Variants in GTF2A1 observed in about 807,000 individuals in gnomAD.
The protein encoded by GTF2A1 is general transcription factor IIA subunit 1.
Under a neutral mutation model 54.1 loss-of-function variants are expected in GTF2A1, and 12 were observed. The ratio of observed to expected loss-of-function variants is 0.22; its 90% CI spans 0.14 to 0.36. The LOEUF (loss-of-function observed/expected upper bound fraction) is 0.36, where lower values mean the gene tolerates loss of function less well. GTF2A1 is among the 10% of genes least tolerant of loss of function. The pLI, the probability that GTF2A1 is intolerant of heterozygous loss-of-function variation, is 1.00. For synonymous variants in GTF2A1, 145 were observed against 152.0 expected, an observed-to-expected ratio of 0.95 and a Z score of 0.34; for missense variants, 335 against 442.2, an observed-to-expected ratio of 0.76 and a Z score of 2.17.
Position 81,220,528 on chromosome 14 carries a change from C to A in GTF2A1, c.-10G>T. ...TTGCCGAGTTCGCCATTTCCACACA[C>A]AACACAAACAAGAGGGGGCAACCCC... On this transcript the variant is annotated 5_prime_UTR_variant, in exon 1 of 9. Transcript: ENST00000553612. The A allele has an allele frequency of 1.3e-6, 2 of 1,562,446 alleles. No individual in the cohort carries two copies. Among genetic ancestry groups the A allele is most frequent in the South Asian group, 1.2e-5 (1 of 85,758 alleles).
chr14:81,180,405 A>T (rs1017689030), intron 8 of GTF2A1, 75 bp from the exon 9 acceptor site: 2 of 701,942 alleles, frequency 2.8e-6, no homozygotes, highest in Middle Eastern at 3.8e-4. Flanking sequence ...AAAAACCCAT[A>T]CACACACACA....
chr14:81,220,473 C>G lies in GTF2A1; in HGVS notation c.30+16G>C. On this transcript the variant is annotated intron_variant, in intron 1 of 8. Coordinates refer to ENST00000553612, the MANE Select transcript of GTF2A1 (RefSeq NM_015859.4). ...CCTGAACGAAGCCCCCGCCGGCCAC[C>G]GAACCACGTCCTTACCACGGTGTTT... 1 of 1,555,118 alleles carries G rather than the reference C, an allele frequency of 6.4e-7. No individual in the cohort carries two copies. Among genetic ancestry groups the G allele is most frequent in the South Asian group, 1.2e-5 (1 of 84,758 alleles).
At chr14:81,181,570 A>C (rs1273134821) in intron 8 of GTF2A1, among the ~76,000 whole-genome samples, 1 of 152,158 alleles carries the variant, frequency 6.6e-6, no homozygotes, top group Non-Finnish European at 1.5e-5. Context: ...TTTGAGACAG[A>C]GTCTCACTCT....
intron 2 of GTF2A1, among the ~76,000 whole-genome samples, chr14:81,207,517 T>G (rs1893265250): frequency 6.6e-6 from 1 of 151,990 alleles, no homozygotes. Context: ...CAAACTAATA[T>G]AGTAAACTGG....
Position 81,220,540 on chromosome 14 carries a change from G to A in GTF2A1, c.-22C>T, listed in dbSNP as rs557083528. 1.7e-5 allele frequency: 27 copies of A among 1,553,764 alleles called. No individual in the cohort carries two copies. The South Asian group carries it at 2.6e-4, about 15-fold the overall frequency. On this transcript the variant is annotated 5_prime_UTR_variant, in exon 1 of 9. Coordinates refer to ENST00000553612, the MANE Select transcript of GTF2A1 (RefSeq NM_015859.4). ...CCATTTCCACACACAACACAAACAA[G>A]AGGGGGCAACCCCAAGAAAACAAGA...
chr14:81,211,226 A>G (rs1893357180), intron 2 of GTF2A1, among the ~76,000 whole-genome samples: 1 of 152,154 alleles, frequency 6.6e-6, no homozygotes, highest in Non-Finnish European at 1.5e-5. Flanking sequence ...ATGTCTCTGC[A>G]TTCTGTACCC....
intron 8 of GTF2A1, among the ~76,000 whole-genome samples, chr14:81,182,804 C>T (rs979264363): frequency 1.3e-5 from 2 of 152,168 alleles, no homozygotes; most frequent in African/African-American, 4.8e-5. Context: ...CCTTCCCTTA[C>T]CTCTCTACCT....
chr14:81,214,725 A>G (rs184089577), intron 2 of GTF2A1, among the ~76,000 whole-genome samples: 2 of 152,298 alleles, frequency 1.3e-5, no homozygotes, highest in East Asian at 3.9e-4. Context: ...ATACTAATAG[A>G]AATTATAACA....
chr14:81,197,099 T>G, intron 5 of GTF2A1: 1 of 194,690 alleles, frequency 5.1e-6, no homozygotes. Flanking sequence ...AGAAGTTTAA[T>G]ACTCACTTGG....
intron 2 of GTF2A1, among the ~76,000 whole-genome samples, chr14:81,210,525 T>G (rs1410453005): frequency 6.6e-6 from 1 of 152,184 alleles, no homozygotes; most frequent in African/African-American, 2.4e-5. Context: ...AACACTATTT[T>G]GGCAATAGTA....
chr14:81,196,834 C>T (rs1341573560), intron 5 of GTF2A1, among the ~76,000 whole-genome samples: 1 of 152,106 alleles, frequency 6.6e-6, no homozygotes, highest in African/African-American at 2.4e-5. Flanking sequence ...TGTAGCAAGA[C>T]AAGCCCCTAA....
chr14:81,212,120 T>G (rs575460033), intron 2 of GTF2A1, among the ~76,000 whole-genome samples: 2 of 152,002 alleles, frequency 1.3e-5, no homozygotes, highest in East Asian at 1.9e-4. Flanking sequence ...ATAATGCCAG[T>G]GTTGAGAAAT....
chr14:81,177,793 A>G lies in GTF2A1; in HGVS notation c.*2430T>C, dbSNP rs1330609114. ...CATGATTAAGAATTCAAGTACAATA[A>G]AAGATAAGCAAGTGACATTCTTACA... On this transcript the variant is annotated 3_prime_UTR_variant, in exon 9 of 9. Coordinates refer to ENST00000553612, the MANE Select transcript of GTF2A1 (RefSeq NM_015859.4). 1 of 152,154 alleles carries G rather than the reference A, an allele frequency of 6.6e-6. No individual in the cohort carries two copies. The highest frequency in any genetic ancestry group is 1.5e-5 in the Non-Finnish European group (1 of 67,990). 9.4% of individuals were successfully genotyped at this position (152,154 alleles called of 1,614,324 possible). A position where few individuals can be genotyped will look rare whatever the true frequency, so the allele number is the denominator to read the frequency against.
chr14:81,220,898 TTATA>T lies in GTF2A1; in HGVS notation c.-384_-381del. 1 of 214,624 alleles carries T rather than the reference TTATA, an allele frequency of 4.7e-6. No individual in the cohort carries two copies. The highest frequency in any genetic ancestry group is 9.1e-6 in the Non-Finnish European group (1 of 109,416). 13.3% of individuals were successfully genotyped at this position (214,624 alleles called of 1,614,324 possible). A position where few individuals can be genotyped will look rare whatever the true frequency, so the allele number is the denominator to read the frequency against. On this transcript the variant is annotated 5_prime_UTR_variant, in exon 1 of 9. Transcript: ENST00000553612. Reference sequence around the variant, plus strand: ...CGTCCGGTCCGCCCGCTTCTCTCCTTTATATAGCGAGCCAACAAGCTGCGCGAGC... The same window carrying T: ...CGTCCGGTCCGCCCGCTTCTCTCCTTTAGCGAGCCAACAAGCTGCGCGAGC...
At chr14:81,185,849 G>C (rs1366706228) in intron 7 of GTF2A1, among the ~76,000 whole-genome samples, 1 of 152,110 alleles carries the variant, frequency 6.6e-6, no homozygotes, top group Non-Finnish European at 1.5e-5. Flanking sequence ...AGTCTGAAAA[G>C]ATGTTTATCT....
intron 7 of GTF2A1, among the ~76,000 whole-genome samples, chr14:81,188,036 G>T (rs1391456073): frequency 2.6e-5 from 4 of 152,142 alleles, no homozygotes; most frequent in Non-Finnish European, 4.4e-5. Flanking sequence ...GTGTAAAGTG[G>T]TTATCTCAGT....
At chr14:81,212,223 A>C (rs1449663294) in intron 2 of GTF2A1, among the ~76,000 whole-genome samples, 1 of 152,180 alleles carries the variant, frequency 6.6e-6, no homozygotes, top group Non-Finnish European at 1.5e-5. Context: ...AAAATGTTTT[A>C]TATCTCCCAC....
rs540117084 is a variant in GTF2A1, at chr14:81,213,047, C to A, written c.132+3366G>T. Among the ~76,000 whole-genome samples, 10 of 152,276 alleles carry A rather than the reference C, an allele frequency of 6.6e-5. No homozygotes were observed. The East Asian group carries it at 1.9e-3, about 29-fold the overall frequency. ...TTTTATTTTTAACTCCAATACAACC[C>A]AGATAGAAGAGTATGGCCCATTTAA... On this transcript the variant is annotated intron_variant, in intron 2 of 8. Coordinates refer to ENST00000553612, the MANE Select transcript of GTF2A1 (RefSeq NM_015859.4).
chr14:81,202,008 A>T (rs1168282800), intron 3 of GTF2A1, among the ~76,000 whole-genome samples: 1 of 152,086 alleles, frequency 6.6e-6, no homozygotes, highest in Non-Finnish European at 1.5e-5. Context: ...AAAAATACAA[A>T]AAAATTAGTT....
Sources: gnomAD v4.1 joint callset for allele counts (sites outside exome capture counted in the v4.1 genomes callset) on GRCh38, gnomAD v4.1.1 for gene constraint, MANE v1.5 for transcripts, NCBI Gene and HGNC (gene_info 2026-07-23, HGNC 2026-07-21) for gene names.